ACTG2: variants seen among roughly 807,000 people sequenced by gnomAD.
ACTG2 encodes actin gamma 2, smooth muscle.
In ACTG2, 16 loss-of-function variants were observed where a neutral mutation model predicts 37.6. The observed-to-expected ratio is 0.43, with a 90% CI of 0.29 to 0.65. ACTG2 has a LOEUF of 0.65. ACTG2 is among the 30% of genes least tolerant of loss of function. The pLI is 0.18. For missense variants in ACTG2, 238 were observed against 490.9 expected, an observed-to-expected ratio of 0.48 and a Z score of 4.87; for synonymous variants, 181 against 179.9, an observed-to-expected ratio of 1.01 and a Z score of -0.05.
rs753798183 is a variant in ACTG2 at position 73,908,842 on chromosome 2, G to A, written c.366+59G>A. 12 of 1,451,854 alleles carry A rather than the reference G, an allele frequency of 8.3e-6. No homozygotes were observed. The East Asian group carries it at 2.1e-4, about 25-fold the overall frequency. The allele number at this position is 1,451,854 out of a possible 1,614,324, so 89.9% of individuals were successfully genotyped here. A position where few individuals can be genotyped will look rare whatever the true frequency, so the allele number is the denominator to read the frequency against. ...AGAATGCAACATGGATGCTTGGCCA[G>A]ATACTTTCTCCCCTTCAAACATCAG... On this transcript the variant is annotated intron_variant, in intron 4 of 8. Transcript: ENST00000345517.
rs562011427 is a variant in ACTG2 at position 73,898,627 on chromosome 2, C to T, written c.-36-2649C>T. ...ACACTCACAAGCAGTGAATGTGAAGCCAATTCTCCATACCTTTGCCAGCAA... is the reference window on the plus strand; with the variant it reads ...ACACTCACAAGCAGTGAATGTGAAGTCAATTCTCCATACCTTTGCCAGCAA... On this transcript the variant is annotated intron_variant, in intron 1 of 8. Coordinates refer to ENST00000345517, the MANE Select transcript of ACTG2 (RefSeq NM_001615.4). Among the ~76,000 whole-genome samples the T allele has an allele frequency of 4.0e-5, 6 of 151,372 alleles. 1 individual carries two copies. The highest frequency in any genetic ancestry group is 2.0e-4 in the Admixed American group (3 of 15,238).
intron 3 of ACTG2, 60 bp downstream of exon 3, chr2:73,902,548 C>T (rs774749723): frequency 5.9e-5 from 95 of 1,602,840 alleles, no homozygotes; most frequent in Non-Finnish European, 7.5e-5. Flanking sequence ...TCATGACCCT[C>T]GTATTCATAG....
At chr2:73,897,553 G>A (rs746662507) in intron 1 of ACTG2, among the ~76,000 whole-genome samples, 5 of 152,212 alleles carry the variant, frequency 3.3e-5, no homozygotes, top group Admixed American at 2.0e-4. Flanking sequence ...GTGGGGACTC[G>A]GGTATCCCAG....
chr2:73,894,656 A>G (rs1002635354), intron 1 of ACTG2, among the ~76,000 whole-genome samples: 2 of 151,718 alleles, frequency 1.3e-5, no homozygotes, highest in Admixed American at 6.6e-5. Context: ...GGAGCCCATC[A>G]CTCAACCCAG....
In ACTG2 at chr2:73,897,600, A is replaced by G. The variant is rs73948043; in HGVS notation, c.-36-3676A>G. 5.1e-3 allele frequency among the ~76,000 whole-genome samples: 770 copies of G among 152,356 alleles called. 3 individuals carry two copies. Among genetic ancestry groups the G allele is most frequent in the African/African-American group, 0.018 (736 of 41,588 alleles). On this transcript the variant is annotated intron_variant, in intron 1 of 8. Coordinates refer to ENST00000345517, the MANE Select transcript of ACTG2 (RefSeq NM_001615.4). ...ACCAGGTCTGGGAGGGGGGCCACTC[A>G]GACGGCAACATTGTCATTCAATATC...
chr2:73,904,583 G>A (rs956798998), intron 3 of ACTG2, among the ~76,000 whole-genome samples: 3 of 150,234 alleles, frequency 2.0e-5, no homozygotes, highest in Admixed American at 2.0e-4. Flanking sequence ...ACTTAAACTT[G>A]GGAGGTGGAG....
At chr2:73,896,347 CAAAAAAA>C (rs59825980) in intron 1 of ACTG2, among the ~76,000 whole-genome samples, 1 of 125,260 alleles carries the variant, frequency 8.0e-6, no homozygotes, top group Non-Finnish European at 1.7e-5. Flanking sequence ...CCCAGTATCT[CAAAAAAA>C]AAAAAAAAAA....
At chr2:73,911,256 G>A (rs562126993) in intron 5 of ACTG2, among the ~76,000 whole-genome samples, 1 of 152,186 alleles carries the variant, frequency 6.6e-6, no homozygotes, top group Non-Finnish European at 1.5e-5. Flanking sequence ...CACTTTGGGA[G>A]GCCGAGGTGG....
chr2:73,906,212 G>A (rs1680012116), intron 3 of ACTG2, among the ~76,000 whole-genome samples: 1 of 151,846 alleles, frequency 6.6e-6, no homozygotes, highest in Non-Finnish European at 1.5e-5. Flanking sequence ...AGCACTTTGG[G>A]AGGCGGAGGC....
chr2:73,902,315 G>GGGGGCTGA (rs1558622850), intron 2 of ACTG2, 45 bp from the exon 3 acceptor site: 1 of 1,604,510 alleles, frequency 6.2e-7, no homozygotes, highest in Non-Finnish European at 8.5e-7. Context: ...CCTCTGTGTG[G>GGGGGCTGA]AGCCCTCAGC....
chr2:73,913,762 T>C (rs543999190), intron 6 of ACTG2, 116 bp downstream of exon 6: 1 of 879,132 alleles, frequency 1.1e-6, no homozygotes, highest in African/African-American at 1.7e-5. Flanking sequence ...TCTCCTGAGA[T>C]AGACTGAGAG....
At chr2:73,909,201 C>A (rs1330415861) in intron 5 of ACTG2, 62 bp downstream of exon 5, 6 of 1,421,828 alleles carry the variant, frequency 4.2e-6, no homozygotes, top group South Asian at 1.1e-5. Context: ...AAGCTGGGGT[C>A]TGGCAGAGGC....
At chr2:73,919,038 C>G (rs1467993101) in intron 8 of ACTG2, among the ~76,000 whole-genome samples, 1 of 152,218 alleles carries the variant, frequency 6.6e-6, no homozygotes, top group Admixed American at 6.5e-5. Flanking sequence ...GTCCAGCCAG[C>G]TCAGGTCAAG....
chr2:73,904,767 G>A (rs866681157), intron 3 of ACTG2, among the ~76,000 whole-genome samples: 8 of 88,990 alleles, frequency 9.0e-5, no homozygotes, highest in African/African-American at 4.4e-4. Flanking sequence ...GTGTGTGTGT[G>A]TGTGTGTGTG....
chr2:73,910,151 G>T (rs983866630), intron 5 of ACTG2, among the ~76,000 whole-genome samples: 3 of 151,642 alleles, frequency 2.0e-5, no homozygotes, highest in Non-Finnish European at 4.4e-5. Context: ...GGAGGCAGAG[G>T]TTGCAGTGAG....
intron 2 of ACTG2, chr2:73,901,664 G>A: frequency 1.4e-6 from 1 of 736,262 alleles, no homozygotes; most frequent in Non-Finnish European, 2.0e-6. Context: ...CTGATTAACT[G>A]ATAGAGCAGG....
At chr2:73,894,846 AG>A (rs1420577248) in intron 1 of ACTG2, among the ~76,000 whole-genome samples, 1 of 152,184 alleles carries the variant, frequency 6.6e-6, no homozygotes, top group Non-Finnish European at 1.5e-5. Flanking sequence ...AGGGGTCCGC[AG>A]GGCTGGATTA....
At chr2:73,915,786 A>T (rs1489745426) in intron 7 of ACTG2, among the ~76,000 whole-genome samples, 1 of 152,152 alleles carries the variant, frequency 6.6e-6, no homozygotes, top group Non-Finnish European at 1.5e-5. Flanking sequence ...CACACAGAAG[A>T]CCATATGGTG....
chr2:73,902,004 G>T (rs1679895566), intron 2 of ACTG2, among the ~76,000 whole-genome samples: 1 of 142,842 alleles, frequency 7.0e-6, no homozygotes, highest in Admixed American at 7.2e-5. Flanking sequence ...GACTTGAGGA[G>T]GATGCATACA....
Sources: gnomAD v4.1 joint callset for allele counts (sites outside exome capture counted in the v4.1 genomes callset) on GRCh38, gnomAD v4.1.1 for gene constraint, MANE v1.5 for transcripts, NCBI Gene and HGNC (gene_info 2026-07-23, HGNC 2026-07-21) for gene names.